Variants in CCN4 observed in about 807,000 individuals in gnomAD.
CCN4 encodes cellular communication network factor 4, also known as CCN family member 4.
In CCN4, 30 loss-of-function variants were observed where a neutral mutation model predicts 36.7. That is an observed-to-expected ratio of 0.82 (90% confidence interval 0.61 to 1.11). CCN4 has a LOEUF of 1.11. CCN4 is among the 50% of genes least tolerant of loss of function. CCN4 has a pLI of 0.00. For missense variants in CCN4, 505 were observed against 504.9 expected (o/e 1.00, Z 0.00); for synonymous variants, 191 against 195.4 (o/e 0.98, Z 0.19).
At chr8:133,198,255 T>C (rs1853460252) in intron 1 of CCN4, among the ~76,000 whole-genome samples, 1 of 152,208 alleles carries the variant, frequency 6.6e-6, no homozygotes. Flanking sequence ...TGTCCCTTGC[T>C]CTAGGTGTCT....
chr8:133,206,821 G>A (rs536094381), intron 1 of CCN4, among the ~76,000 whole-genome samples: 3 of 152,208 alleles, frequency 2.0e-5, no homozygotes, highest in East Asian at 3.9e-4. Flanking sequence ...ATGTGACCTC[G>A]CCACCCCTAC....
intron 1 of CCN4, among the ~76,000 whole-genome samples, chr8:133,204,354 G>C (rs116469166): frequency 1.3e-5 from 2 of 152,266 alleles, no homozygotes; most frequent in East Asian, 3.9e-4. Flanking sequence ...TAGCAGTGTC[G>C]GTGGGTAATG....
At chr8:133,198,696 C>A (rs1853475044) in intron 1 of CCN4, among the ~76,000 whole-genome samples, 1 of 152,354 alleles carries the variant, frequency 6.6e-6, no homozygotes, top group East Asian at 1.9e-4. Flanking sequence ...CAGTGGGCAC[C>A]CATGGGTTCT....
At chr8:133,209,348 C>T (rs2130565685) in intron 1 of CCN4, among the ~76,000 whole-genome samples, 1 of 152,368 alleles carries the variant, frequency 6.6e-6, no homozygotes, top group East Asian at 1.9e-4. Flanking sequence ...ACACCAAACC[C>T]AGCAGTCCTC....
rs768038218 is a variant in CCN4 at position 133,227,425 on chromosome 8, T to C, written c.819T>C (p.Cys273=). The C allele has an allele frequency of 1.3e-5, 21 of 1,612,112 alleles. No individual in the cohort carries two copies. In the African/African-American group the frequency reaches 2.1e-4, roughly 16 times the overall value. ...CTTTCCTTCAGGCAGGGAAGAAGTG[T>C]CTGGCTGTGTACCAGCCAGAGGCAT... is the stretch of plus-strand genomic sequence containing the variant. The part of the protein sequence containing the change: ...IHTLIKAGKK[C]LAVYQPEASM... The change falls in exon 5 of 5, where the codon TGT becomes TGC. Residue 273 remains cysteine (C), a synonymous_variant. Coordinates refer to ENST00000250160, the MANE Select transcript of CCN4 (RefSeq NM_003882.4).
rs568122534 is a variant in CCN4 at position 133,220,933 on chromosome 8, C to A, written c.610+92C>A. On this transcript the variant is annotated intron_variant, in intron 3 of 4. Coordinates refer to ENST00000250160, the MANE Select transcript of CCN4 (RefSeq NM_003882.4). ...CTGACCACCATAGAATGACTCATTC[C>A]CCAGTCCACTACCTACTAGCTTTGT... is the stretch of plus-strand genomic sequence containing the variant. 2.3e-5 allele frequency: 34 copies of A among 1,465,096 alleles called. 1 individual carries two copies. The South Asian group carries it at 4.3e-4, about 19-fold the overall frequency. The allele number at this position is 1,465,096 out of a possible 1,614,324, so 90.8% of individuals were successfully genotyped here.
chr8:133,222,128 G>T (rs1485428744), intron 3 of CCN4, among the ~76,000 whole-genome samples: 10 of 151,916 alleles, frequency 6.6e-5, no homozygotes, highest in African/African-American at 2.4e-4. Flanking sequence ...TGGATGGATG[G>T]ATGGAGGATG....
chr8:133,225,946 A>G (rs1431381529), intron 4 of CCN4, among the ~76,000 whole-genome samples: 4 of 152,116 alleles, frequency 2.6e-5, no homozygotes, highest in African/African-American at 9.7e-5. Flanking sequence ...GGTGATATAG[A>G]GAGCACTAAA....
intron 1 of CCN4, among the ~76,000 whole-genome samples, chr8:133,209,354 T>C (rs1853901401): frequency 6.6e-6 from 1 of 152,166 alleles, no homozygotes; most frequent in Non-Finnish European, 1.5e-5. Context: ...AACCCAGCAG[T>C]CCTCATGCCC....
intron 1 of CCN4, among the ~76,000 whole-genome samples, chr8:133,202,381 C>T (rs139974847): frequency 1.3e-5 from 2 of 152,148 alleles, no homozygotes; most frequent in East Asian, 1.9e-4. Flanking sequence ...GGAGGCTGGA[C>T]GTTCTCAGAG....
At chr8:133,207,373 C>A (rs746759400) in intron 1 of CCN4, among the ~76,000 whole-genome samples, 17 of 152,334 alleles carry the variant, frequency 1.1e-4, no homozygotes, top group Admixed American at 7.2e-4. Flanking sequence ...ACATGGGGAT[C>A]CAGCTATGTC....
chr8:133,221,948 G>A (rs1029254497), intron 3 of CCN4, among the ~76,000 whole-genome samples: 12 of 151,148 alleles, frequency 7.9e-5, no homozygotes, highest in African/African-American at 2.9e-4. Context: ...ATGGATAGAT[G>A]TATAAATAAG....
rs181948559 is a variant in CCN4, at chr8:133,201,115, A to T, written c.69+9902A>T. Among the ~76,000 whole-genome samples the T allele has an allele frequency of 3.5e-3, 527 of 152,274 alleles. 4 individuals carry two copies. Among genetic ancestry groups the T allele is most frequent in the African/African-American group, 0.012 (503 of 41,556 alleles). ...CCTTACAGTGTGGCCCTTAGGTGTG[A>T]AGCCTTAAGAAACGGATGCTTTGAG... On this transcript the variant is annotated intron_variant, in intron 1 of 4. Coordinates refer to ENST00000250160, the MANE Select transcript of CCN4 (RefSeq NM_003882.4).
chr8:133,222,816 T>A (rs1041992377), intron 3 of CCN4, among the ~76,000 whole-genome samples: 43 of 150,608 alleles, frequency 2.9e-4, no homozygotes, highest in Middle Eastern at 3.4e-3. Flanking sequence ...TTAAAAAAAA[T>A]TATATATGCT....
chr8:133,220,477 A>C, intron 2 of CCN4, 104 bp from the exon 3 acceptor site: 1 of 1,496,612 alleles, frequency 6.7e-7, no homozygotes, highest in Middle Eastern at 1.9e-4. Flanking sequence ...GCTGGGAGCC[A>C]TCCCCGGGAT....
At chr8:133,225,319 G>A in intron 3 of CCN4, 71 bp from the exon 4 acceptor site, 1 of 1,475,386 alleles carries the variant, frequency 6.8e-7, no homozygotes, top group Non-Finnish European at 9.1e-7. Context: ...GCAGACCTTA[G>A]TGTGGTGAAA....
At chr8:133,198,065 A>G (rs917240226) in intron 1 of CCN4, among the ~76,000 whole-genome samples, 25 of 152,262 alleles carry the variant, frequency 1.6e-4, no homozygotes, top group Non-Finnish European at 2.9e-4. Context: ...CTCTGTACTC[A>G]CTTTCTCATC....
intron 1 of CCN4, among the ~76,000 whole-genome samples, chr8:133,205,745 G>A (rs1449183911): frequency 6.6e-6 from 1 of 152,166 alleles, no homozygotes; most frequent in African/African-American, 2.4e-5. Flanking sequence ...TTGAGGATGA[G>A]CCCCAGCCCC....
At chr8:133,193,949 C>T (rs1163362800) in intron 1 of CCN4, among the ~76,000 whole-genome samples, 1 of 152,160 alleles carries the variant, frequency 6.6e-6, no homozygotes, top group Non-Finnish European at 1.5e-5. Flanking sequence ...CTGGCTGTGT[C>T]GGCCGCACTA....
Sources: allele counts gnomAD v4.1 joint callset (sites outside exome capture counted in the v4.1 genomes callset), GRCh38; gene constraint gnomAD v4.1.1; transcripts MANE v1.5; gene names NCBI Gene and HGNC (gene_info 2026-07-23, HGNC 2026-07-21).